Variants in PLCXD3 observed in about 807,000 individuals in gnomAD.
PLCXD3 encodes the protein phosphatidylinositol specific phospholipase C X domain containing 3, also known as PI-PLC X domain-containing protein 3.
A neutral mutation model predicts 25.5 loss-of-function variants in PLCXD3; 19 were observed. The observed-to-expected ratio is 0.75, with a 90% confidence interval of 0.52 to 1.09. PLCXD3 has a LOEUF of 1.09. Among genes scored for constraint, PLCXD3 ranks in the 50% least tolerant of loss-of-function variants. The pLI, the probability that PLCXD3 is intolerant of heterozygous loss-of-function variation, is 0.00. For synonymous variants in PLCXD3, 174 were observed against 137.6 expected, an observed-to-expected ratio of 1.26 and a Z score of -1.85; for missense variants, 411 against 388.1, an observed-to-expected ratio of 1.06 and a Z score of -0.50.
At chr5:41,393,756 A>T (rs886677171) in intron 1 of PLCXD3, among the ~76,000 whole-genome samples, 2 of 151,828 alleles carry the variant, frequency 1.3e-5, no homozygotes, top group Non-Finnish European at 2.9e-5. Flanking sequence ...CGTCTCTACT[A>T]AAAATACAAA....
intron 1 of PLCXD3, among the ~76,000 whole-genome samples, chr5:41,462,914 T>C (rs1396330870): frequency 6.6e-6 from 1 of 151,964 alleles, no homozygotes; most frequent in East Asian, 1.9e-4. Context: ...AGAAAGAACA[T>C]TTTTAGTAGA....
rs912452040 is a variant in PLCXD3, at chr5:41,386,694, G to A, written c.104-4160C>T. ...ACAAGCAGCAACAGAGCAAAATGCA[G>A]TGTTGTAGAGAAGGCCATACGGCAA... On this transcript the variant is annotated intron_variant, in intron 1 of 2. Coordinates refer to ENST00000377801, the MANE Select transcript of PLCXD3 (RefSeq NM_001005473.3). 6.6e-5 allele frequency among the ~76,000 whole-genome samples: 10 copies of A among 152,212 alleles called. No homozygotes were observed. In the South Asian group the frequency reaches 1.0e-3, roughly 16 times the overall value.
At position 41,330,272 on chromosome 5, in the gene PLCXD3, C is replaced by T. The variant is rs184630255; in HGVS notation, c.813-16502G>A. Among the ~76,000 whole-genome samples, 324 of 152,012 alleles carry T rather than the reference C, an allele frequency of 2.1e-3. 1 individual carries two copies. The highest frequency in any genetic ancestry group is 7.4e-3 in the African/African-American group (305 of 41,460). On this transcript the variant is annotated intron_variant, in intron 2 of 2. Coordinates refer to ENST00000377801, the MANE Select transcript of PLCXD3 (RefSeq NM_001005473.3). The stretch of plus-strand genomic sequence containing the variant: ...AAAATGATAAAGGGGATATCAACAC[C>T]GATCCCACAGAAATACAAACTACCA...
At chr5:41,410,157 T>TTTTTTTTTTA (rs1190270095) in intron 1 of PLCXD3, among the ~76,000 whole-genome samples, 3 of 120,926 alleles carry the variant, frequency 2.5e-5, no homozygotes, top group South Asian at 2.7e-4. Flanking sequence ...TTTTTTTTTT[T>TTTTTTTTTTA]GAGACGGAGT....
chr5:41,410,714 T>C (rs1746494734), intron 1 of PLCXD3, among the ~76,000 whole-genome samples: 1 of 152,150 alleles, frequency 6.6e-6, no homozygotes, highest in South Asian at 2.1e-4. Flanking sequence ...GACCTAAAAC[T>C]GAGCATCAAC....
At chr5:41,506,595 A>C (rs1043333376) in intron 1 of PLCXD3, among the ~76,000 whole-genome samples, 2 of 152,202 alleles carry the variant, frequency 1.3e-5, no homozygotes, top group African/African-American at 4.8e-5. Context: ...TAGAAATAGG[A>C]AATTACAAAG....
chr5:41,337,916 T>C (rs538013531), intron 2 of PLCXD3, among the ~76,000 whole-genome samples: 1 of 152,158 alleles, frequency 6.6e-6, no homozygotes, highest in Non-Finnish European at 1.5e-5. Context: ...CATCTCTTCA[T>C]TATATCTTTG....
Position 41,310,673 on chromosome 5 carries a change from G to C in PLCXD3, c.*2944C>G, listed in dbSNP as rs150334509. 1 of 152,558 alleles carries C rather than the reference G, an allele frequency of 6.6e-6. No individual in the cohort carries two copies. The highest frequency in any genetic ancestry group is 2.1e-4 in the South Asian group (1 of 4,828). 9.5% of individuals were successfully genotyped at this position (152,558 alleles called of 1,614,324 possible). ...ACTAATGGATAGAAGACAGTCAAAGGCACCTTCTCTCCATTCCCCTTTCCA... is the reference window on the plus strand; with the variant it reads ...ACTAATGGATAGAAGACAGTCAAAGCCACCTTCTCTCCATTCCCCTTTCCA... On this transcript the variant is annotated 3_prime_UTR_variant, in exon 3 of 3. Transcript: ENST00000377801.
chr5:41,326,559 A>G (rs1319330148), intron 2 of PLCXD3, among the ~76,000 whole-genome samples: 1 of 152,036 alleles, frequency 6.6e-6, no homozygotes, highest in East Asian at 1.9e-4. Context: ...TATTTTCCCC[A>G]AAACATGCTC....
chr5:41,352,537 C>T (rs896860922), intron 2 of PLCXD3, among the ~76,000 whole-genome samples: 3 of 152,090 alleles, frequency 2.0e-5, no homozygotes, highest in African/African-American at 7.2e-5. Context: ...TGATAATTAG[C>T]CTAGTCTTAC....
intron 1 of PLCXD3, among the ~76,000 whole-genome samples, chr5:41,494,532 T>A (rs1187010310): frequency 6.6e-6 from 1 of 152,160 alleles, no homozygotes; most frequent in East Asian, 1.9e-4. Context: ...CTTGGGAAAC[T>A]AATAGGTAAT....
intron 2 of PLCXD3, among the ~76,000 whole-genome samples, chr5:41,372,145 CT>C (rs2150489133): frequency 6.6e-6 from 1 of 152,170 alleles, no homozygotes; most frequent in Non-Finnish European, 1.5e-5. Flanking sequence ...ATATTTTAAG[CT>C]AGTTTCTTTT....
intron 1 of PLCXD3, among the ~76,000 whole-genome samples, chr5:41,398,894 A>T (rs920687331): frequency 2.0e-5 from 3 of 152,224 alleles, no homozygotes; most frequent in African/African-American, 4.8e-5. Context: ...GAGCATCCAA[A>T]TTGAAAAGGA....
In PLCXD3 at chr5:41,415,155, G is replaced by A. The variant is rs73750168; in HGVS notation, c.104-32621C>T. On this transcript the variant is annotated intron_variant, in intron 1 of 2. Coordinates refer to ENST00000377801, the MANE Select transcript of PLCXD3 (RefSeq NM_001005473.3). Reference sequence around the variant, plus strand: ...AAGGGGATGCTATTGTAAAACCAAAGACATAGATTATTTTTAGATTAAAAA... The same window carrying A: ...AAGGGGATGCTATTGTAAAACCAAAAACATAGATTATTTTTAGATTAAAAA... Among the ~76,000 whole-genome samples, 645 of 152,252 alleles carry A rather than the reference G, an allele frequency of 4.2e-3. 6 individuals are homozygous for A. The highest frequency in any genetic ancestry group is 0.015 in the African/African-American group (614 of 41,562).
chr5:41,435,076 T>C (rs1446204293), intron 1 of PLCXD3, among the ~76,000 whole-genome samples: 1 of 152,230 alleles, frequency 6.6e-6, no homozygotes, highest in Non-Finnish European at 1.5e-5. Context: ...GAATTTTAGC[T>C]ATTTTTCTTT....
chr5:41,488,727 C>A (rs1005986033), intron 1 of PLCXD3, among the ~76,000 whole-genome samples: 1 of 147,160 alleles, frequency 6.8e-6, no homozygotes, highest in African/African-American at 2.6e-5. Context: ...TAAATGTCTT[C>A]TTTTGAGAAG....
At chr5:41,372,318 A>T (rs1238245525) in intron 2 of PLCXD3, among the ~76,000 whole-genome samples, 5 of 145,860 alleles carry the variant, frequency 3.4e-5, no homozygotes, top group African/African-American at 1.0e-4. Flanking sequence ...ACACACACAC[A>T]CACACACACA....
At chr5:41,435,322 T>C (rs1747221855) in intron 1 of PLCXD3, among the ~76,000 whole-genome samples, 4 of 152,230 alleles carry the variant, frequency 2.6e-5, no homozygotes, top group Admixed American at 2.6e-4. Flanking sequence ...TGTTTTCCCC[T>C]TTTGGCTCTG....
intron 1 of PLCXD3, among the ~76,000 whole-genome samples, chr5:41,397,068 C>T (rs1023710159): frequency 1.3e-5 from 2 of 152,166 alleles, no homozygotes; most frequent in South Asian, 4.1e-4. Context: ...AAAAGGAAAA[C>T]CCATTTTTTG....
Sources: allele counts gnomAD v4.1 joint callset (sites outside exome capture counted in the v4.1 genomes callset), GRCh38; gene constraint gnomAD v4.1.1; transcripts MANE v1.5; gene names NCBI Gene and HGNC (gene_info 2026-07-23, HGNC 2026-07-21).